Variants in ALPK3 observed in about 807,000 individuals in gnomAD.
ALPK3 encodes alpha-protein kinase 3.
A neutral mutation model predicts 140.0 loss-of-function variants in ALPK3; 102 were observed. The ratio of observed to expected loss-of-function variants is 0.73; its 90% confidence interval spans 0.62 to 0.86. ALPK3 has a LOEUF of 0.86. Ranked by LOEUF, ALPK3 falls within the 40% of genes least tolerant of loss-of-function variation. ALPK3 has a pLI of 0.00. For synonymous variants in ALPK3, 938 were observed against 898.5 expected (o/e 1.04, Z -0.79); for missense variants, 2,254 against 2,208.2 (o/e 1.02, Z -0.42).
intron 12 of ALPK3, 67 bp downstream of exon 12, chr15:84,864,732 G>A (rs1430179513): frequency 2.7e-6 from 4 of 1,506,404 alleles, no homozygotes; most frequent in Non-Finnish European, 2.7e-6. Flanking sequence ...AGGAGGCAAA[G>A]CCATAGTGCT....
chr15:84,863,504 G>A lies in ALPK3; in HGVS notation c.4411-48G>A, dbSNP rs370923873. 6 of 1,543,614 alleles carry A rather than the reference G, an allele frequency of 3.9e-6. No individual in the cohort carries two copies. The African/African-American group carries it at 8.2e-5, about 21-fold the overall frequency. ...CTCACTTAGGGGTAGACACAGTGGA[G>A]GACTGAGGAATTTCTTTGCTCACCA... On this transcript the variant is annotated intron_variant, in intron 10 of 13. Coordinates refer to ENST00000258888, the MANE Select transcript of ALPK3 (RefSeq NM_020778.5).
intron 10 of ALPK3, 119 bp downstream of exon 10, chr15:84,863,034 T>C (rs1459208289): frequency 7.3e-7 from 1 of 1,366,750 alleles, no homozygotes; most frequent in Non-Finnish European, 1.0e-6. Flanking sequence ...CTCAACCTTA[T>C]GAGGCTCCTA....
At chr15:84,859,451 C>T (rs1963914064) in intron 7 of ALPK3, 61 bp downstream of exon 7, 3 of 1,594,752 alleles carry the variant, frequency 1.9e-6, no homozygotes, top group Admixed American at 3.4e-5. Flanking sequence ...TACCGTTGGG[C>T]ACTGTCCTAG....
rs1963644771 is a variant in ALPK3 at position 84,840,234 on chromosome 15, A to G, written c.955A>G (p.Lys319Glu). The change falls in exon 5 of 14, where the codon AAA becomes GAA. Residue 319 changes from lysine (K) to glutamate (E), a missense_variant. Coordinates refer to ENST00000258888, the MANE Select transcript of ALPK3 (RefSeq NM_020778.5). ...KEESGAKKKK[K>E]DEESKQGLRK... Reference sequence around the variant, plus strand: ...GGAGAGTGGGGCCAAGAAGAAAAAGAAAGATGAGGAATCCAAGCAAGGCCT... The same window carrying G: ...GGAGAGTGGGGCCAAGAAGAAAAAGGAAGATGAGGAATCCAAGCAAGGCCT... 6.2e-7 allele frequency: 1 copy of G among 1,613,786 alleles called. No homozygotes were observed. Among genetic ancestry groups the G allele is most frequent in the African/African-American group, 1.3e-5 (1 of 75,052 alleles).
intron 5 of ALPK3, among the ~76,000 whole-genome samples, chr15:84,842,713 G>A (rs1963680420): frequency 6.6e-6 from 1 of 152,184 alleles, no homozygotes; most frequent in South Asian, 2.1e-4. Context: ...TAGACTGTAG[G>A]AACAGTAGTT....
rs1964093924 is a variant in ALPK3, at chr15:84,873,117, A to C, written c.*4661A>C. On this transcript the variant is annotated 3_prime_UTR_variant, in exon 14 of 14. Transcript: ENST00000258888. ...AGATCAGGGAGCCCACGTTCACAGC[A>C]GCTCTTTCAAGCAGCCTCCCAGGCC... 1 of 152,136 alleles carries C rather than the reference A, an allele frequency of 6.6e-6. No individual in the cohort carries two copies. The highest frequency in any genetic ancestry group is 2.4e-5 in the African/African-American group (1 of 41,428). 9.4% of individuals were successfully genotyped at this position (152,136 alleles called of 1,614,324 possible). A position where few individuals can be genotyped will look rare whatever the true frequency, so the allele number is the denominator to read the frequency against.
rs118108643 is a variant in ALPK3 at position 84,837,599 on chromosome 15, G to A, written c.305-1381G>A. On this transcript the variant is annotated intron_variant, in intron 3 of 13. Transcript: ENST00000258888. ...ACTTAATATATATCTTTGAGTGAAT[G>A]TATGTTAGCAGTCTCATATCAAGCA... Among the ~76,000 whole-genome samples, 739 of 152,322 alleles carry A rather than the reference G, an allele frequency of 4.9e-3. 5 individuals are homozygous for A. Among genetic ancestry groups the A allele is most frequent in the Non-Finnish European group, 6.7e-3 (453 of 68,032 alleles).
At position 84,863,636 on chromosome 15, in the gene ALPK3, C is replaced by A; in HGVS notation, c.4495C>A (p.Pro1499Thr). The A allele has an allele frequency of 6.2e-7, 1 of 1,613,834 alleles. No individual in the cohort carries two copies. The highest frequency in any genetic ancestry group is 8.5e-7 in the Non-Finnish European group (1 of 1,179,852). ...ARAAPGFGEV[P>T]EIIPLYLIYR... ...GGCCGCGCCTGGCTTTGGGGAGGTGCCTGAGTAAGTACGCAGCGAGGAGGA... is the reference window on the plus strand; with the variant it reads ...GGCCGCGCCTGGCTTTGGGGAGGTGACTGAGTAAGTACGCAGCGAGGAGGA... The change falls in exon 11 of 14, where the codon CCT becomes ACT. Residue 1499 changes from proline (P) to threonine (T), a missense_variant. Around this residue, in one of 3 missense-constraint regions of ALPK3, gnomAD observed 2,088 missense variants for 2,022.9 expected, o/e 1.03. Transcript: ENST00000258888.
At chr15:84,859,155 C>T (rs566043227) in intron 6 of ALPK3, 88 bp from the exon 7 acceptor site, 4 of 1,554,986 alleles carry the variant, frequency 2.6e-6, no homozygotes, top group African/African-American at 2.7e-5. Context: ...TGTTTTCTCC[C>T]AGCCTTTTCC....
At chr15:84,855,599 T>C (rs1330595122) in intron 5 of ALPK3, among the ~76,000 whole-genome samples, 1 of 152,152 alleles carries the variant, frequency 6.6e-6, no homozygotes, top group African/African-American at 2.4e-5. Context: ...ACAAAGAGCA[T>C]GGGATTTGGA....
Position 84,858,212 on chromosome 15 carries a change from A to G in ALPK3, c.3474A>G (p.Glu1158=). Residue 1158 remains glutamate, a synonymous_variant, in exon 6 of 14, where the codon GAA becomes GAG. Coordinates refer to ENST00000258888, the MANE Select transcript of ALPK3 (RefSeq NM_020778.5). The part of the protein sequence containing the change: ...LTGLPAATPE[E]LALGARRKRF... Reference sequence around the variant, plus strand: ...GTCTCCCGGCAGCTACACCTGAGGAACTGGCTCTAGGGGCCCGGAGGAAGA... The same window carrying G: ...GTCTCCCGGCAGCTACACCTGAGGAGCTGGCTCTAGGGGCCCGGAGGAAGA... The G allele has an allele frequency of 6.2e-7, 1 of 1,612,508 alleles. No individual in the cohort carries two copies. The highest frequency in any genetic ancestry group is 8.5e-7 in the Non-Finnish European group (1 of 1,179,296).
chr15:84,834,480 A>T (rs2141553084), intron 3 of ALPK3, among the ~76,000 whole-genome samples: 1 of 152,354 alleles, frequency 6.6e-6, no homozygotes, highest in East Asian at 1.9e-4. Flanking sequence ...AATACATGAG[A>T]AGTATTCAGC....
intron 3 of ALPK3, among the ~76,000 whole-genome samples, chr15:84,834,169 C>T (rs1282939609): frequency 6.6e-6 from 1 of 152,194 alleles, no homozygotes; most frequent in South Asian, 2.1e-4. Flanking sequence ...GTCCCAGAAA[C>T]CCCAGTGGAA....
In ALPK3 at chr15:84,857,683, C is replaced by T. The variant is rs1963883112; in HGVS notation, c.2945C>T (p.Ser982Phe). Residue 982 changes from serine to phenylalanine, a missense_variant, in exon 6 of 14, where the codon TCC becomes TTC. Ser to Phe is a radical substitution (Grantham distance 155, BLOSUM62 -2). Transcript: ENST00000258888. Reference sequence around the variant, plus strand: ...GAGACAAGTGGAGCAGGGGGAGAGTCCCAGGTGGGGGCAGCCACCGGAGGT... The same window carrying T: ...GAGACAAGTGGAGCAGGGGGAGAGTTCCAGGTGGGGGCAGCCACCGGAGGT... ...STETSGAGGE[S>F]QVGAATGGLV... 6.2e-7 allele frequency: 1 copy of T among 1,609,386 alleles called. No individual in the cohort carries two copies. The highest frequency in any genetic ancestry group is 8.5e-7 in the Non-Finnish European group (1 of 1,176,720).
chr15:84,852,331 T>G (rs759431311), intron 5 of ALPK3, among the ~76,000 whole-genome samples: 8 of 152,354 alleles, frequency 5.3e-5, no homozygotes, highest in Admixed American at 2.0e-4. Context: ...CTGGTGGCTA[T>G]GCTGCACGAA....
chr15:84,845,299 A>C lies in ALPK3; in HGVS notation c.1653+4367A>C, dbSNP rs1311424234. Among the ~76,000 whole-genome samples the C allele has an allele frequency of 3.3e-5, 5 of 152,344 alleles. No homozygotes were observed. The East Asian group carries it at 9.6e-4, about 29-fold the overall frequency. On this transcript the variant is annotated intron_variant, in intron 5 of 13. Coordinates refer to ENST00000258888, the MANE Select transcript of ALPK3 (RefSeq NM_020778.5). Reference sequence around the variant, plus strand: ...TGACAGTGGTAGCAACAGAGGCCACAGGTGCCTAAAACTTTGAGAGAAGAG... The same window carrying C: ...TGACAGTGGTAGCAACAGAGGCCACCGGTGCCTAAAACTTTGAGAGAAGAG...
At chr15:84,832,425 T>G (rs915177861) in intron 3 of ALPK3, among the ~76,000 whole-genome samples, 9 of 152,208 alleles carry the variant, frequency 5.9e-5, no homozygotes, top group African/African-American at 1.2e-4. Flanking sequence ...GGCAGTTTAG[T>G]GAGTTTGAGG....
intron 5 of ALPK3, among the ~76,000 whole-genome samples, chr15:84,850,443 T>G (rs66551613): frequency 0.18 from 27,211 of 152,148 alleles, 2,622 homozygotes; most frequent in African/African-American, 0.2. Flanking sequence ...AGTGCAAGTG[T>G]CATAATCATA....
At chr15:84,832,543 G>A (rs1490576269) in intron 3 of ALPK3, among the ~76,000 whole-genome samples, 1 of 152,132 alleles carries the variant, frequency 6.6e-6, no homozygotes, top group Non-Finnish European at 1.5e-5. Flanking sequence ...TGCCCTCTGG[G>A]AGGTCATCTC....
Sources: gnomAD v4.1 joint callset for allele counts (sites outside exome capture counted in the v4.1 genomes callset) on GRCh38, gnomAD v4.1.1 for gene constraint, gnomAD v4.1.1 regional missense constraint, MANE v1.5 for transcripts, NCBI Gene and HGNC (gene_info 2026-07-23, HGNC 2026-07-21) for gene names.